The following WDR43 variants were observed in gnomAD, a reference collection of about 807,000 sequenced individuals.
WDR43 encodes the protein WD repeat-containing protein 43.
A neutral mutation model predicts 91.4 loss-of-function variants in WDR43; 13 were observed. That is an observed-to-expected ratio of 0.14 (90% CI 0.09 to 0.23). The LOEUF (loss-of-function observed/expected upper bound fraction) is 0.23. WDR43 is among the 10% of genes least tolerant of loss of function. WDR43 has a pLI of 1.00. For synonymous variants in WDR43, 331 were observed against 287.9 expected, an observed-to-expected ratio of 1.15 and a Z score of -1.51; for missense variants, 780 against 809.4, an observed-to-expected ratio of 0.96 and a Z score of 0.44.
chr2:28,916,439 C>T (rs1670912013), intron 5 of WDR43, among the ~76,000 whole-genome samples: 3 of 151,968 alleles, frequency 2.0e-5, no homozygotes, highest in African/African-American at 7.3e-5. Flanking sequence ...TTAATTTTAG[C>T]CATTCTAATA....
chr2:28,933,827 A>G (rs1377262530), intron 11 of WDR43, among the ~76,000 whole-genome samples: 1 of 152,168 alleles, frequency 6.6e-6, no homozygotes, highest in Non-Finnish European at 1.5e-5. Flanking sequence ...TGCGAAAGAC[A>G]GACAATAATA....
Position 28,938,048 on chromosome 2 carries a change from A to G in WDR43, c.1620+54A>G, listed in dbSNP as rs368533677. ...TATGAATAGTTTGGCTTTGATAAGG[A>G]TTGTAAACTTTGACAAGTATGGCTG... is the stretch of plus-strand genomic sequence containing the variant. On this transcript the variant is annotated intron_variant, in intron 14 of 17. Coordinates refer to ENST00000407426, the MANE Select transcript of WDR43 (RefSeq NM_015131.3). 2.5e-4 allele frequency: 404 copies of G among 1,586,654 alleles called. 1 individual carries two copies. The highest frequency in any genetic ancestry group is 3.4e-4 in the Non-Finnish European group (389 of 1,157,824).
intron 13 of WDR43, among the ~76,000 whole-genome samples, 161 bp from the exon 14 acceptor site, chr2:28,937,769 GA>G (rs1422504499): frequency 6.6e-6 from 1 of 152,052 alleles, no homozygotes; most frequent in Admixed American, 6.6e-5. Context: ...TAATCTGAAA[GA>G]AAAAACGGAA....
Position 28,946,825 on chromosome 2 carries a change from T to C in WDR43, c.*46T>C. 1.3e-6 allele frequency: 2 copies of C among 1,509,044 alleles called. No individual in the cohort carries two copies. The highest frequency in any genetic ancestry group is 1.8e-6 in the Non-Finnish European group (2 of 1,133,162). 93.5% of individuals were successfully genotyped at this position (1,509,044 alleles called of 1,614,324 possible). On this transcript the variant is annotated 3_prime_UTR_variant, in exon 18 of 18. Transcript: ENST00000407426. ...CAAACTATATAAACTCTGGCTCACC[T>C]TGCCCAGTGGTGAGGGCTGCCTCTG...
chr2:28,924,928 T>TAG, intron 7 of WDR43, 54 bp from the exon 8 acceptor site: 13 of 1,570,600 alleles, frequency 8.3e-6, no homozygotes, highest in Non-Finnish European at 1.1e-5. Context: ...TCCAGAGAGT[T>TAG]AGTATGAGAC....
intron 11 of WDR43, among the ~76,000 whole-genome samples, chr2:28,931,830 A>G (rs1018952989): frequency 6.6e-6 from 1 of 152,044 alleles, no homozygotes; most frequent in Non-Finnish European, 1.5e-5. Flanking sequence ...GTGTGCTTGA[A>G]AAGTTAGTAA....
At position 28,927,674 on chromosome 2, in the gene WDR43, A is replaced by C. The variant is rs759038705; in HGVS notation, c.1279A>C (p.Ser427Arg). 8 of 1,613,944 alleles carry C rather than the reference A, an allele frequency of 5.0e-6. No individual in the cohort carries two copies. The highest frequency in any genetic ancestry group is 6.8e-6 in the Non-Finnish European group (8 of 1,179,834). Residue 427 changes from serine to arginine, a missense_variant, in exon 10 of 18, where the codon AGC (serine) becomes CGC (arginine). Transcript: ENST00000407426. ...PAPPQTEQVESKRKSGGNEVS... is the reference protein window; with the variant it reads ...PAPPQTEQVERKRKSGGNEVS... ...TCCTCCACAAACCGAGCAAGTAGAGAGCAAGAGGAAGTCAGGGGGAAATGA... is the reference window on the plus strand; with the variant it reads ...TCCTCCACAAACCGAGCAAGTAGAGCGCAAGAGGAAGTCAGGGGGAAATGA...
intron 16 of WDR43, among the ~76,000 whole-genome samples, chr2:28,945,042 A>G (rs965983238): frequency 6.6e-6 from 1 of 152,212 alleles, no homozygotes; most frequent in Admixed American, 6.5e-5. Context: ...GTCTTTCATG[A>G]ATATGTACAT....
chr2:28,942,863 T>G (rs1218380233), intron 16 of WDR43, among the ~76,000 whole-genome samples: 3 of 151,942 alleles, frequency 2.0e-5, no homozygotes, highest in Non-Finnish European at 4.4e-5. Context: ...GTGATCCCAA[T>G]GTGCTTGGAT....
At chr2:28,931,654 T>TA (rs1671247298) in intron 11 of WDR43, among the ~76,000 whole-genome samples, 1 of 137,594 alleles carries the variant, frequency 7.3e-6, no homozygotes, top group Admixed American at 8.2e-5. Context: ...CGGTTTAAAA[T>TA]CTTTTTTTTT....
chr2:28,912,634 G>C lies in WDR43; in HGVS notation c.530G>C (p.Ser177Thr). ...DNSSVSSLCISPDGKMLLSAG... is the reference protein window; with the variant it reads ...DNSSVSSLCITPDGKMLLSAG... The stretch of plus-strand genomic sequence containing the variant: ...AGCAGTGTCAGTTCCCTATGTATCA[G>C]CCCAGATGGAAAGATGTTGCTTTCA... The change falls in exon 4 of 18, where the codon AGC becomes ACC. Residue 177 changes from serine to threonine, a missense_variant. Physicochemically the swap from Ser to Thr is moderately conservative, Grantham distance 58. Transcript: ENST00000407426. 1 of 1,613,858 alleles carries C rather than the reference G, an allele frequency of 6.2e-7. No individual in the cohort carries two copies. Among genetic ancestry groups the C allele is most frequent in the East Asian group, 2.2e-5 (1 of 44,866 alleles).
At chr2:28,914,263 A>T (rs755654041) in intron 5 of WDR43, 55 bp downstream of exon 5, 131 of 1,523,210 alleles carry the variant, frequency 8.6e-5, no homozygotes, top group Non-Finnish European at 1.1e-4. Context: ...GTCAGAGCTT[A>T]TGTAGTTAAT....
At chr2:28,933,570 A>G (rs116178566) in intron 11 of WDR43, among the ~76,000 whole-genome samples, 1 of 152,332 alleles carries the variant, frequency 6.6e-6, no homozygotes, top group Non-Finnish European at 1.5e-5. Flanking sequence ...TCTTGGAAAA[A>G]CAGTGTTAGG....
intron 16 of WDR43, among the ~76,000 whole-genome samples, chr2:28,945,056 T>A (rs1179012951): frequency 1.3e-5 from 2 of 152,228 alleles, no homozygotes; most frequent in Non-Finnish European, 2.9e-5. Flanking sequence ...TGTACATGTG[T>A]AATTCATGGG....
At position 28,912,721 on chromosome 2, in the gene WDR43, C is replaced by A; in HGVS notation, c.606+11C>A. 6.2e-7 allele frequency: 1 copy of A among 1,609,900 alleles called. No individual in the cohort carries two copies. The highest frequency in any genetic ancestry group is 8.5e-7 in the Non-Finnish European group (1 of 1,177,784). On this transcript the variant is annotated intron_variant, in intron 4 of 17. Coordinates refer to ENST00000407426, the MANE Select transcript of WDR43 (RefSeq NM_015131.3). ...AAAGAAGTCTACAGGGTGAGCGAAT[C>A]AAATTATTTGTAAGCATAAAAATTA...
rs1285320067 is a variant in WDR43 at position 28,935,547 on chromosome 2, C to A, written c.1464C>A (p.Asn488Lys). 4 of 1,595,252 alleles carry A rather than the reference C, an allele frequency of 2.5e-6. No homozygotes were observed. The highest frequency in any genetic ancestry group is 2.3e-5 in the East Asian group (1 of 44,084). The change falls in exon 12 of 18, where the codon AAC becomes AAA. Residue 488 changes from asparagine to lysine, a missense_variant. Transcript: ENST00000407426. Reference sequence around the variant, plus strand: ...AAGTACTTCAAACTAGGAATGTAAACCTTATAAAGAAGACTGTATTAAGGA... The same window carrying A: ...AAGTACTTCAAACTAGGAATGTAAAACTTATAAAGAAGACTGTATTAAGGA... ...LNKVLQTRNVNLIKKTVLRMP... is the reference protein window; with the variant it reads ...LNKVLQTRNVKLIKKTVLRMP...
intron 5 of WDR43, among the ~76,000 whole-genome samples, chr2:28,917,080 A>G (rs1670925050): frequency 6.6e-6 from 1 of 152,134 alleles, no homozygotes; most frequent in African/African-American, 2.4e-5. Context: ...AATTAGTGAA[A>G]TCTCCAAGAA....
intron 6 of WDR43, among the ~76,000 whole-genome samples, chr2:28,918,197 C>T (rs1033861829): frequency 6.6e-5 from 10 of 151,818 alleles, no homozygotes; most frequent in South Asian, 2.1e-4. Context: ...TTGTACAGGA[C>T]GGTAGTAAAT....
chr2:28,936,684 G>A (rs1572602038), intron 12 of WDR43, among the ~76,000 whole-genome samples: 1 of 152,128 alleles, frequency 6.6e-6, no homozygotes, highest in East Asian at 1.9e-4. Flanking sequence ...CAATCACTAA[G>A]CTATTTTCTG....
Sources: gnomAD v4.1 joint callset for allele counts (sites outside exome capture counted in the v4.1 genomes callset) on GRCh38, gnomAD v4.1.1 for gene constraint, MANE v1.5 for transcripts, NCBI Gene and HGNC (gene_info 2026-07-23, HGNC 2026-07-21) for gene names.